The following ITGA8 variants were observed in gnomAD, a reference collection of about 807,000 sequenced individuals.
ITGA8 encodes integrin alpha-8.
ITGA8 carries 91 observed loss-of-function variants against 142.3 expected under a neutral mutation model. The observed-to-expected ratio is 0.64, with a 90% CI of 0.54 to 0.76. The LOEUF is 0.76. ITGA8 is among the 30% of genes least tolerant of loss of function. The pLI, the probability that ITGA8 is intolerant of heterozygous loss-of-function variation, is 0.00. For synonymous variants in ITGA8, 505 were observed against 485.2 expected (o/e 1.04, Z -0.54); for missense variants, 1,406 against 1,327.7 (o/e 1.06, Z -0.92).
At chr10:15,519,174 G>A in intron 29 of ITGA8, 116 bp downstream of exon 29, 2 of 1,190,958 alleles carry the variant, frequency 1.7e-6, no homozygotes, top group Admixed American at 2.2e-5. Flanking sequence ...CCTTCAGACT[G>A]TTCAAAATTT....
At chr10:15,572,797 C>T (rs1253694708) in intron 24 of ITGA8, among the ~76,000 whole-genome samples, 1 of 152,182 alleles carries the variant, frequency 6.6e-6, no homozygotes, top group East Asian at 1.9e-4. Flanking sequence ...ATGTGATGTA[C>T]TCTCTTTCAC....
chr10:15,564,864 G>T lies in ITGA8; in HGVS notation c.2638-6662C>A, dbSNP rs76269395. ...CATGTACTTTGCCTATAATTAAACC[G>T]AAGTGGAGACAAGCCCTGGGGGGCA... On this transcript the variant is annotated intron_variant, in intron 25 of 29. Coordinates refer to ENST00000378076, the MANE Select transcript of ITGA8 (RefSeq NM_003638.3). 2.8e-4 allele frequency among the ~76,000 whole-genome samples: 42 copies of T among 152,320 alleles called. 1 individual carries two copies. In the East Asian group the frequency reaches 5.2e-3, roughly 19 times the overall value.
At chr10:15,589,081 G>A (rs528120756) in intron 22 of ITGA8, among the ~76,000 whole-genome samples, 3 of 152,160 alleles carry the variant, frequency 2.0e-5, no homozygotes, top group South Asian at 2.1e-4. Context: ...ATCCATCACC[G>A]CCATGGAAGC....
intron 13 of ITGA8, among the ~76,000 whole-genome samples, chr10:15,625,562 C>T (rs1280990683): frequency 2.0e-5 from 3 of 152,314 alleles, no homozygotes; most frequent in Admixed American, 6.5e-5. Flanking sequence ...CGTGATAGCT[C>T]ACAAAGATGC....
intron 19 of ITGA8, among the ~76,000 whole-genome samples, chr10:15,605,066 C>T (rs113826643): frequency 0.013 from 1,955 of 152,140 alleles, 13 homozygotes; most frequent in Non-Finnish European, 0.018. Context: ...AAGCAGATTC[C>T]AAACACTGGC....
At chr10:15,630,394 G>A (rs931730199) in intron 13 of ITGA8, among the ~76,000 whole-genome samples, 12 of 151,958 alleles carry the variant, frequency 7.9e-5, no homozygotes, top group African/African-American at 2.4e-4. Flanking sequence ...TGTGCCAGCC[G>A]CTGCCTTGGG....
Position 15,517,031 on chromosome 10 carries a change from C to CG in ITGA8, c.*126_*127insC. 2.1e-6 allele frequency: 1 copy of CG among 483,574 alleles called. No individual in the cohort carries two copies. The highest frequency in any genetic ancestry group is 3.4e-6 in the Non-Finnish European group (1 of 294,106). 30.0% of individuals were successfully genotyped at this position (483,574 alleles called of 1,614,324 possible). On this transcript the variant is annotated 3_prime_UTR_variant, in exon 30 of 30. Transcript: ENST00000378076. ...TGCGGTGTAGATGAGGTGATGTTTC[C>CG]AGGGTCCCCTCCATTTCCTGGGTCA... is the stretch of plus-strand genomic sequence containing the variant.
At chr10:15,560,611 TA>T (rs1369653045) in intron 25 of ITGA8, among the ~76,000 whole-genome samples, 1 of 152,202 alleles carries the variant, frequency 6.6e-6, no homozygotes, top group African/African-American at 2.4e-5. Flanking sequence ...ATGATCTATT[TA>T]TACAGAATAC....
At chr10:15,633,601 GTAGAGA>G (rs1833720530) in intron 13 of ITGA8, among the ~76,000 whole-genome samples, 1 of 151,976 alleles carries the variant, frequency 6.6e-6, no homozygotes, top group Non-Finnish European at 1.5e-5. Flanking sequence ...TGTATTTTTA[GTAGAGA>G]CAGGGTTTTA....
chr10:15,593,739 G>A (rs1832962978), intron 21 of ITGA8, among the ~76,000 whole-genome samples: 3 of 152,034 alleles, frequency 2.0e-5, no homozygotes, highest in Admixed American at 2.0e-4. Flanking sequence ...GCTCCAAACA[G>A]TCCTACAGGT....
At chr10:15,618,520 T>A (rs1213895888) in intron 13 of ITGA8, among the ~76,000 whole-genome samples, 3 of 152,306 alleles carry the variant, frequency 2.0e-5, no homozygotes, top group East Asian at 1.9e-4. Context: ...GACTGAAGGA[T>A]GCAAAGTATT....
chr10:15,696,905 T>C (rs1353497513), intron 2 of ITGA8, among the ~76,000 whole-genome samples: 1 of 149,720 alleles, frequency 6.7e-6, no homozygotes, highest in Non-Finnish European at 1.5e-5. Flanking sequence ...TAGTAGCCCA[T>C]GCCTGAGGTG....
At chr10:15,705,804 ACTTT>A (rs1232794130) in intron 2 of ITGA8, among the ~76,000 whole-genome samples, 1 of 152,112 alleles carries the variant, frequency 6.6e-6, no homozygotes, top group African/African-American at 2.4e-5. Context: ...ACCTCACAAG[ACTTT>A]CTTTATTGGC....
intron 2 of ITGA8, among the ~76,000 whole-genome samples, chr10:15,700,986 A>G (rs578023222): frequency 2.5e-4 from 38 of 152,176 alleles, no homozygotes; most frequent in Non-Finnish European, 4.6e-4. Flanking sequence ...GAGAATATAC[A>G]TAGATTCCAC....
rs562269608 is a variant in ITGA8, at chr10:15,664,651, T to C, written c.848-3729A>G. Among the ~76,000 whole-genome samples, 5 of 151,156 alleles carry C rather than the reference T, an allele frequency of 3.3e-5. 1 individual carries two copies. In the South Asian group the frequency reaches 1.1e-3, roughly 33 times the overall value. The stretch of plus-strand genomic sequence containing the variant: ...ATTTAGCATTAGGTATATCTCCTAA[T>C]GCTATCCCTCCCCCCTCCCCCCAAC... On this transcript the variant is annotated intron_variant, in intron 8 of 29. Transcript: ENST00000378076.
chr10:15,707,821 T>C (rs1352750596), intron 2 of ITGA8, among the ~76,000 whole-genome samples: 1 of 117,612 alleles, frequency 8.5e-6, no homozygotes, highest in South Asian at 2.7e-4. Context: ...AGTTTCCTTC[T>C]AAAAAAAAAA....
chr10:15,718,699 C>T (rs918199465), intron 2 of ITGA8, 67 bp downstream of exon 2: 3 of 1,585,750 alleles, frequency 1.9e-6, no homozygotes, highest in African/African-American at 1.3e-5. Flanking sequence ...AGCGGGAAGT[C>T]GCCTCTGGGA....
intron 21 of ITGA8, among the ~76,000 whole-genome samples, chr10:15,593,895 A>G (rs1295393087): frequency 6.8e-6 from 1 of 148,050 alleles, no homozygotes; most frequent in Admixed American, 6.7e-5. Flanking sequence ...AGGTTGAAGT[A>G]CAGTGGCACA....
At chr10:15,670,146 T>C (rs116975414) in intron 8 of ITGA8, among the ~76,000 whole-genome samples, 2,089 of 152,340 alleles carry the variant, frequency 0.014, 19 homozygotes, top group South Asian at 0.022. Flanking sequence ...CCATTTACTC[T>C]TAATTATTTG....
Sources: gnomAD v4.1 joint callset for allele counts (sites outside exome capture counted in the v4.1 genomes callset) on GRCh38, gnomAD v4.1.1 for gene constraint, MANE v1.5 for transcripts, NCBI Gene and HGNC (gene_info 2026-07-23, HGNC 2026-07-21) for gene names.